RAB3IL1: variants seen among roughly 807,000 people sequenced by gnomAD.
RAB3IL1 encodes the protein guanine nucleotide exchange factor for Rab-3A.
In RAB3IL1, 37 loss-of-function variants were observed where a neutral mutation model predicts 49.2. That is an observed-to-expected ratio of 0.75 (90% CI 0.58 to 0.99). The LOEUF (loss-of-function observed/expected upper bound fraction) is 0.99, where lower values mean the gene tolerates loss of function less well. RAB3IL1 is among the 50% of genes least tolerant of loss of function. The pLI is 0.00. For missense variants in RAB3IL1, 484 were observed against 513.0 expected, an observed-to-expected ratio of 0.94 and a Z score of 0.55; for synonymous variants, 193 against 213.9, an observed-to-expected ratio of 0.90 and a Z score of 0.85.
intron 1 of RAB3IL1, among the ~76,000 whole-genome samples, chr11:61,916,726 G>C (rs555752518): frequency 1.3e-5 from 2 of 152,300 alleles, no homozygotes; most frequent in East Asian, 3.9e-4. Context: ...CACATCAGAT[G>C]GGCCAGGAAC....
chr11:61,904,038 G>A (rs892653142), intron 7 of RAB3IL1, among the ~76,000 whole-genome samples: 3 of 151,502 alleles, frequency 2.0e-5, no homozygotes, highest in African/African-American at 7.3e-5. Context: ...TTCCCTGCTT[G>A]GCAAACTTCT....
In RAB3IL1 at chr11:61,908,266, C is replaced by T. The variant is rs762744948; in HGVS notation, c.52G>A (p.Ala18Thr). The T allele has an allele frequency of 6.6e-7, 1 of 1,512,992 alleles. No individual in the cohort carries two copies. Among genetic ancestry groups the T allele is most frequent in the African/African-American group, 1.4e-5 (1 of 72,510 alleles). 93.7% of individuals were successfully genotyped at this position (1,512,992 alleles called of 1,614,324 possible). A position where few individuals can be genotyped will look rare whatever the true frequency, so the allele number is the denominator to read the frequency against. Residue 18 changes from alanine to threonine, a missense_variant, in exon 2 of 10, where the codon GCT becomes ACT. Ala to Thr is a moderately conservative substitution (Grantham distance 58). Transcript: ENST00000394836. ...GTGCTCTTCCAGGGGACCGGGACAG[C>T]TGCAAGGGGCGGCGGGAGGCCCTGG... is the stretch of plus-strand genomic sequence containing the variant. ...PDQGLPPPLA[A>T]VPVPWKSTDP... is the part of the protein sequence containing the mutation.
chr11:61,902,643 A>C (rs2136025829), intron 7 of RAB3IL1, 102 bp from the exon 8 acceptor site: 1 of 1,083,398 alleles, frequency 9.2e-7, no homozygotes, highest in Non-Finnish European at 1.3e-6. Flanking sequence ...ATGCATGGGG[A>C]GGGGCAGGCC....
upstream of RAB3IL1, among the ~76,000 whole-genome samples, chr11:61,922,291 C>T (rs558837388): frequency 4.6e-5 from 7 of 152,074 alleles, no homozygotes; most frequent in East Asian, 1.2e-3. Flanking sequence ...GAGGCCGAGG[C>T]GAGTGGATCA....
the RAB3IL1 span, among the ~76,000 whole-genome samples, chr11:61,934,114 T>C: frequency 4.6e-5 from 7 of 151,988 alleles, no homozygotes; most frequent in African/African-American, 1.5e-4. Context: ...AAGCAGAATT[T>C]GTGAGTGATG....
At chr11:61,945,570 C>T in the RAB3IL1 span, among the ~76,000 whole-genome samples, 2 of 152,322 alleles carry the variant, frequency 1.3e-5, no homozygotes, top group Admixed American at 6.5e-5. Context: ...TTTCACAGCA[C>T]GTCAAACTCA....
At position 61,903,963 on chromosome 11, in the gene RAB3IL1, T is replaced by C. The variant is rs532236626; in HGVS notation, c.899+583A>G. Among the ~76,000 whole-genome samples the C allele has an allele frequency of 2.0e-5, 3 of 152,126 alleles. No individual in the cohort carries two copies. The East Asian group carries it at 5.8e-4, about 29-fold the overall frequency. Reference sequence around the variant, plus strand: ...ACTGCTTAGCCAGATGCCCCAGTGGTGCTTCCGTTAATACTCCAGCTTCTC... The same window carrying C: ...ACTGCTTAGCCAGATGCCCCAGTGGCGCTTCCGTTAATACTCCAGCTTCTC... On this transcript the variant is annotated intron_variant, in intron 7 of 9. Coordinates refer to ENST00000394836, the MANE Select transcript of RAB3IL1 (RefSeq NM_013401.4).
chr11:61,911,087 C>T (rs945007647), intron 1 of RAB3IL1, among the ~76,000 whole-genome samples: 2 of 152,240 alleles, frequency 1.3e-5, no homozygotes, highest in Non-Finnish European at 2.9e-5. Context: ...ACCATTTTCC[C>T]AACAGGCTCT....
At chr11:61,940,417 G>A in the RAB3IL1 span, among the ~76,000 whole-genome samples, 5 of 151,520 alleles carry the variant, frequency 3.3e-5, no homozygotes, top group Non-Finnish European at 1.5e-5. Context: ...TTCCAGCCTG[G>A]GCAACCAAGG....
At chr11:61,934,446 G>GTGTGTATATA in the RAB3IL1 span, among the ~76,000 whole-genome samples, 5 of 24,400 alleles carry the variant, frequency 2.0e-4, no homozygotes, top group Non-Finnish European at 5.0e-4. Flanking sequence ...GTGTGTGTGT[G>GTGTGTATATA]TATGTATATA....
At chr11:61,925,508 A>G in the RAB3IL1 span, among the ~76,000 whole-genome samples, 16 of 152,042 alleles carry the variant, frequency 1.1e-4, no homozygotes, top group Admixed American at 1.3e-4. Flanking sequence ...GGTGGCACAC[A>G]CATGTAATCC....
At chr11:61,940,393 A>C in the RAB3IL1 span, among the ~76,000 whole-genome samples, 5 of 151,812 alleles carry the variant, frequency 3.3e-5, no homozygotes, top group Admixed American at 3.3e-4. Flanking sequence ...GTGAGCCGAG[A>C]TCATGCCATT....
chr11:61,908,354 C>T (rs1244934933), intron 1 of RAB3IL1, 48 bp from the exon 2 acceptor site: 1 of 1,390,052 alleles, frequency 7.2e-7, no homozygotes, highest in Non-Finnish European at 9.3e-7. Flanking sequence ...GGTCCTGAGG[C>T]CTGGAGAGCT....
the RAB3IL1 span, among the ~76,000 whole-genome samples, chr11:61,931,775 C>T: frequency 6.6e-6 from 1 of 151,918 alleles, no homozygotes; most frequent in East Asian, 1.9e-4. Flanking sequence ...ACAACAAAAA[C>T]TATTGGAAAA....
chr11:61,916,276 G>T (rs942512179), intron 1 of RAB3IL1, among the ~76,000 whole-genome samples: 32 of 151,580 alleles, frequency 2.1e-4, no homozygotes, highest in Non-Finnish European at 4.1e-4. Flanking sequence ...TACTCAGGCA[G>T]CGGAGGTTGC....
chr11:61,939,628 C>T, the RAB3IL1 span, among the ~76,000 whole-genome samples: 1 of 149,862 alleles, frequency 6.7e-6, no homozygotes, highest in Non-Finnish European at 1.5e-5. Flanking sequence ...TTTAGACTGA[C>T]CAAAAAAAAA....
At chr11:61,908,328 A>G in intron 1 of RAB3IL1, 22 bp from the exon 2 acceptor site, 1 of 1,450,806 alleles carries the variant, frequency 6.9e-7, no homozygotes, top group Non-Finnish European at 9.0e-7. Context: ...CAAGGGTATC[A>G]GCAGGTTCAG....
At chr11:61,911,591 C>T (rs933470909) in intron 1 of RAB3IL1, among the ~76,000 whole-genome samples, 1 of 152,152 alleles carries the variant, frequency 6.6e-6, no homozygotes, top group South Asian at 2.1e-4. Context: ...TGCTGCCCAG[C>T]GTCCCTACCC....
At chr11:61,926,863 CT>C in the RAB3IL1 span, among the ~76,000 whole-genome samples, 1 of 151,776 alleles carries the variant, frequency 6.6e-6, no homozygotes, top group Non-Finnish European at 1.5e-5. Flanking sequence ...ATACAGAAAA[CT>C]TTTATTTCAT....
Sources: gnomAD v4.1 joint callset for allele counts (sites outside exome capture counted in the v4.1 genomes callset) on GRCh38, gnomAD v4.1.1 for gene constraint, MANE v1.5 for transcripts, NCBI Gene and HGNC (gene_info 2026-07-23, HGNC 2026-07-21) for gene names.